TOX3: variants seen among roughly 807,000 people sequenced by gnomAD.
The protein encoded by TOX3 is TOX high mobility group box family member 3, also known as CAG trinucleotide repeat-containing gene F9 protein.
Under a neutral mutation model 64.3 loss-of-function variants are expected in TOX3, and 22 were observed. The observed-to-expected ratio is 0.34, with a 90% confidence interval of 0.24 to 0.49. TOX3 has a LOEUF of 0.49. Ranked by LOEUF, TOX3 falls within the 20% of genes least tolerant of loss-of-function variation. The pLI is 0.99. For synonymous variants in TOX3, 291 were observed against 273.6 expected, an observed-to-expected ratio of 1.06 and a Z score of -0.63; for missense variants, 661 against 714.4, an observed-to-expected ratio of 0.93 and a Z score of 0.85.
At position 52,528,168 on chromosome 16, in the gene TOX3, T is replaced by A. The variant is rs1473786074; in HGVS notation, c.87+18469A>T. On this transcript the variant is annotated intron_variant, in intron 1 of 6. Coordinates refer to ENST00000219746, the MANE Select transcript of TOX3 (RefSeq NM_001080430.4). ...CTATGTTCAGCAACTTAACCAGATG[T>A]TAAAAACTGACCCGATCTTAGGATG... 2.0e-5 allele frequency among the ~76,000 whole-genome samples: 3 copies of A among 152,192 alleles called. No individual in the cohort carries two copies. The East Asian group carries it at 5.8e-4, about 29-fold the overall frequency.
intron 1 of TOX3, among the ~76,000 whole-genome samples, chr16:52,480,300 G>A (rs912718484): frequency 1.9e-4 from 29 of 152,174 alleles, no homozygotes; most frequent in Non-Finnish European, 7.3e-5. Flanking sequence ...CCAAAGTACT[G>A]TCAAGCCTTA....
intron 1 of TOX3, among the ~76,000 whole-genome samples, chr16:52,480,885 G>C (rs2151448870): frequency 6.7e-6 from 1 of 148,926 alleles, no homozygotes; most frequent in Non-Finnish European, 1.5e-5. Context: ...TCTCTGCCGG[G>C]GCAATTTTAT....
At chr16:52,492,803 G>A (rs1345840605) in intron 1 of TOX3, among the ~76,000 whole-genome samples, 1 of 150,616 alleles carries the variant, frequency 6.6e-6, no homozygotes, top group Non-Finnish European at 1.5e-5. Context: ...GCAGGATGAT[G>A]AAAAGCCCCT....
At chr16:52,466,594 C>T (rs1267538849) in intron 2 of TOX3, among the ~76,000 whole-genome samples, 1 of 152,122 alleles carries the variant, frequency 6.6e-6, no homozygotes, top group Non-Finnish European at 1.5e-5. Context: ...CATAAGATTA[C>T]TTCCAAAACT....
rs142112987 is a variant in TOX3 at position 52,542,743 on chromosome 16, T to C, written c.87+3894A>G. Among the ~76,000 whole-genome samples, 536 of 152,304 alleles carry C rather than the reference T, an allele frequency of 3.5e-3. 4 individuals carry two copies. Among genetic ancestry groups the C allele is most frequent in the African/African-American group, 0.011 (474 of 41,572 alleles). ...CTTCAATATCTTACGTGAAGACCTGTCGTGATAGGATACAGGAATCTCTCA... is the reference window on the plus strand; with the variant it reads ...CTTCAATATCTTACGTGAAGACCTGCCGTGATAGGATACAGGAATCTCTCA... On this transcript the variant is annotated intron_variant, in intron 1 of 6. Coordinates refer to ENST00000219746, the MANE Select transcript of TOX3 (RefSeq NM_001080430.4).
intron 1 of TOX3, among the ~76,000 whole-genome samples, chr16:52,496,204 G>A (rs146621102): frequency 1.0e-3 from 156 of 152,262 alleles, no homozygotes; most frequent in African/African-American, 3.6e-3. Context: ...AATTAACTGA[G>A]GGCAAACAAG....
intron 1 of TOX3, among the ~76,000 whole-genome samples, chr16:52,520,343 A>G (rs986891072): frequency 5.3e-5 from 8 of 152,212 alleles, no homozygotes; most frequent in African/African-American, 1.9e-4. Context: ...ATCTTACACA[A>G]AATACAGTGC....
At chr16:52,537,489 A>G (rs1043329174) in intron 1 of TOX3, among the ~76,000 whole-genome samples, 1 of 152,232 alleles carries the variant, frequency 6.6e-6, no homozygotes, top group Non-Finnish European at 1.5e-5. Flanking sequence ...AATAATAAAC[A>G]TAGACAATGG....
intron 1 of TOX3, among the ~76,000 whole-genome samples, chr16:52,507,028 G>A (rs1452731550): frequency 6.6e-6 from 1 of 152,194 alleles, no homozygotes; most frequent in Non-Finnish European, 1.5e-5. Context: ...TGAAAGTGAA[G>A]AGACCCATAG....
intron 3 of TOX3, among the ~76,000 whole-genome samples, chr16:52,462,611 A>G (rs1409840483): frequency 6.6e-6 from 1 of 152,058 alleles, no homozygotes; most frequent in Non-Finnish European, 1.5e-5. Flanking sequence ...ATGATGGTGA[A>G]CCCTGGCAAA....
intron 3 of TOX3, 45 bp downstream of exon 3, chr16:52,463,889 G>A: frequency 6.7e-7 from 1 of 1,484,304 alleles, no homozygotes. Flanking sequence ...ACTATGATTT[G>A]TGCAAATGAT....
chr16:52,530,348 T>C (rs929270606), intron 1 of TOX3, among the ~76,000 whole-genome samples: 10 of 152,070 alleles, frequency 6.6e-5, no homozygotes, highest in Non-Finnish European at 1.2e-4. Context: ...CCACTTTTTT[T>C]TTTTTTGAGA....
At chr16:52,492,749 A>G (rs1395206248) in intron 1 of TOX3, among the ~76,000 whole-genome samples, 2 of 151,042 alleles carry the variant, frequency 1.3e-5, no homozygotes, top group Non-Finnish European at 2.9e-5. Flanking sequence ...GTTATCAGAT[A>G]TGACAAGAAA....
At chr16:52,524,905 GTTC>G (rs1464278620) in intron 1 of TOX3, among the ~76,000 whole-genome samples, 1 of 151,316 alleles carries the variant, frequency 6.6e-6, no homozygotes. Context: ...CCACCCCAGT[GTTC>G]TTCTTCTGTG....
At chr16:52,453,013 G>T (rs1200168060) in intron 3 of TOX3, among the ~76,000 whole-genome samples, 1 of 151,856 alleles carries the variant, frequency 6.6e-6, no homozygotes, top group Non-Finnish European at 1.5e-5. Flanking sequence ...TTTTTTATTG[G>T]AATTCTACCA....
intron 1 of TOX3, among the ~76,000 whole-genome samples, chr16:52,475,199 C>T (rs948798065): frequency 6.6e-6 from 1 of 152,138 alleles, no homozygotes; most frequent in Admixed American, 6.5e-5. Flanking sequence ...AATATAAATT[C>T]AATAAAGATA....
chr16:52,523,378 CT>C (rs1962655684), intron 1 of TOX3, among the ~76,000 whole-genome samples: 1 of 152,104 alleles, frequency 6.6e-6, no homozygotes, highest in African/African-American at 2.4e-5. Flanking sequence ...CCAGGCTTTC[CT>C]CTGAATGAAT....
intron 1 of TOX3, among the ~76,000 whole-genome samples, chr16:52,538,636 T>C (rs1456851210): frequency 6.6e-6 from 1 of 152,208 alleles, no homozygotes; most frequent in Non-Finnish European, 1.5e-5. Context: ...CATTCAAATA[T>C]GAATTTAGAG....
chr16:52,498,121 A>G (rs1218035837), intron 1 of TOX3, among the ~76,000 whole-genome samples: 1 of 152,206 alleles, frequency 6.6e-6, no homozygotes, highest in African/African-American at 2.4e-5. Flanking sequence ...AGCTGCTCTC[A>G]ATGTATATGA....
Sources: allele counts gnomAD v4.1 joint callset (sites outside exome capture counted in the v4.1 genomes callset), GRCh38; gene constraint gnomAD v4.1.1; transcripts MANE v1.5; gene names NCBI Gene and HGNC (gene_info 2026-07-23, HGNC 2026-07-21).